SLF1: variants seen among roughly 807,000 people sequenced by gnomAD.
SLF1 encodes SMC5-SMC6 complex localization factor protein 1.
Under a neutral mutation model 123.0 loss-of-function variants are expected in SLF1, and 105 were observed. That is an observed-to-expected ratio of 0.85 (90% CI 0.73 to 1.00). The LOEUF (loss-of-function observed/expected upper bound fraction) is 1.00, where lower values mean the gene tolerates loss of function less well. Ranked by LOEUF, SLF1 falls within the 50% of genes least tolerant of loss-of-function variation. The pLI, the probability that SLF1 is intolerant of heterozygous loss-of-function variation, is 0.00. For missense variants in SLF1, 1,239 were observed against 1,223.0 expected, an observed-to-expected ratio of 1.01 and a Z score of -0.20; for synonymous variants, 434 against 406.6, an observed-to-expected ratio of 1.07 and a Z score of -0.81.
At chr5:94,622,363 G>A (rs2152461439) in intron 1 of SLF1, among the ~76,000 whole-genome samples, 1 of 152,150 alleles carries the variant, frequency 6.6e-6, no homozygotes, top group East Asian at 1.9e-4. Context: ...AAAATCAAAA[G>A]AATTCACCAA....
intron 4 of SLF1, among the ~76,000 whole-genome samples, chr5:94,634,047 A>G (rs554753954): frequency 1.3e-5 from 2 of 152,078 alleles, no homozygotes; most frequent in Non-Finnish European, 2.9e-5. Flanking sequence ...GTATTTTTAA[A>G]TTTTCGTTTC....
chr5:94,692,683 A>G (rs1000088048), intron 20 of SLF1, among the ~76,000 whole-genome samples: 2 of 152,146 alleles, frequency 1.3e-5, no homozygotes, highest in Non-Finnish European at 2.9e-5. Context: ...CTTATTTTTA[A>G]TGAGTCATTT....
chr5:94,649,191 A>G (rs1056748218), intron 5 of SLF1, among the ~76,000 whole-genome samples: 2 of 152,192 alleles, frequency 1.3e-5, no homozygotes, highest in African/African-American at 4.8e-5. Context: ...GGTTATTCAT[A>G]AAAATGACTT....
In SLF1 at chr5:94,697,334, T is replaced by G. The variant is rs895465554; in HGVS notation, c.*2022T>G. On this transcript the variant is annotated 3_prime_UTR_variant, in exon 21 of 21. Coordinates refer to ENST00000265140, the MANE Select transcript of SLF1 (RefSeq NM_032290.4). ...TCCCAAAATTACTTCTTATACTTTATTTTAGAAAACATAATAATAATTGCC... is the reference window on the plus strand; with the variant it reads ...TCCCAAAATTACTTCTTATACTTTAGTTTAGAAAACATAATAATAATTGCC... 1 of 151,876 alleles carries G rather than the reference T, an allele frequency of 6.6e-6. No homozygotes were observed. The highest frequency in any genetic ancestry group is 1.5e-5 in the Non-Finnish European group (1 of 67,880). 9.4% of individuals were successfully genotyped at this position (151,876 alleles called of 1,614,324 possible).
intron 12 of SLF1, among the ~76,000 whole-genome samples, chr5:94,666,794 G>A (rs1260800022): frequency 1.3e-5 from 2 of 151,900 alleles, no homozygotes; most frequent in East Asian, 1.9e-4. Context: ...GTGCCTCCAC[G>A]TCCAGCTAAT....
intron 5 of SLF1, among the ~76,000 whole-genome samples, chr5:94,644,076 A>G (rs1332193626): frequency 2.0e-5 from 3 of 152,162 alleles, no homozygotes; most frequent in East Asian, 1.9e-4. Context: ...ACATCTGTCA[A>G]CTACTAAGTC....
chr5:94,678,008 C>T (rs1385915389), intron 14 of SLF1, among the ~76,000 whole-genome samples: 1 of 152,056 alleles, frequency 6.6e-6, no homozygotes, highest in Non-Finnish European at 1.5e-5. Flanking sequence ...GCAAGCTCCG[C>T]CTCCCGGGTT....
intron 4 of SLF1, among the ~76,000 whole-genome samples, chr5:94,637,643 A>G (rs1251925590): frequency 2.6e-5 from 4 of 152,098 alleles, no homozygotes; most frequent in African/African-American, 9.7e-5. Context: ...GTGGGCTTTG[A>G]AGCTAAGCTG....
chr5:94,686,725 A>C lies in SLF1; in HGVS notation c.2121+7A>C. ...ACTCTCTCTTCAGAAAATGGTAAGT[A>C]CCTCTCTATTCTGGTTCTTTACATT... On this transcript the variant is annotated splice_region_variant and intron_variant, in intron 16 of 20. Transcript: ENST00000265140. 1 of 1,612,210 alleles carries C rather than the reference A, an allele frequency of 6.2e-7. No homozygotes were observed. Among genetic ancestry groups the C allele is most frequent in the Non-Finnish European group, 8.5e-7 (1 of 1,179,210 alleles).
At chr5:94,633,947 T>A (rs1278263474) in intron 4 of SLF1, among the ~76,000 whole-genome samples, 1 of 152,202 alleles carries the variant, frequency 6.6e-6, no homozygotes, top group Non-Finnish European at 1.5e-5. Flanking sequence ...TTTAGACCTT[T>A]CTGTTTTTCT....
intron 7 of SLF1, 52 bp from the exon 8 acceptor site, chr5:94,653,220 T>C: frequency 7.0e-7 from 1 of 1,421,656 alleles, no homozygotes; most frequent in South Asian, 1.4e-5. Flanking sequence ...ATTTGGATTT[T>C]GTAACATATG....
intron 9 of SLF1, among the ~76,000 whole-genome samples, chr5:94,658,148 G>A (rs1410215633): frequency 1.4e-5 from 2 of 143,866 alleles, no homozygotes; most frequent in Admixed American, 7.1e-5. Flanking sequence ...TGTCATTGCA[G>A]TTGGGTGTTT....
intron 14 of SLF1, among the ~76,000 whole-genome samples, chr5:94,671,918 T>G (rs1750508434): frequency 6.6e-6 from 1 of 152,044 alleles, no homozygotes; most frequent in Non-Finnish European, 1.5e-5. Context: ...TGGCTGTGCT[T>G]TTTTTGGTTA....
intron 4 of SLF1, among the ~76,000 whole-genome samples, chr5:94,639,830 A>G (rs932920051): frequency 2.6e-5 from 4 of 152,150 alleles, no homozygotes; most frequent in Non-Finnish European, 5.9e-5. Flanking sequence ...TTGCTGTCTC[A>G]AGGGTAGCAG....
chr5:94,633,748 A>G (rs1158023973), intron 4 of SLF1, among the ~76,000 whole-genome samples: 2 of 152,210 alleles, frequency 1.3e-5, no homozygotes, highest in Non-Finnish European at 2.9e-5. Context: ...TTGCATTCTC[A>G]TATACTAGCA....
chr5:94,670,379 C>T, intron 13 of SLF1, 100 bp downstream of exon 13: 1 of 952,702 alleles, frequency 1.0e-6, no homozygotes, highest in Non-Finnish European at 1.5e-6. Context: ...TAAAAAGTCA[C>T]CTTATTTTCT....
chr5:94,666,100 TGAAA>T (rs1380281328), intron 12 of SLF1, 76 bp downstream of exon 12: 15 of 1,307,174 alleles, frequency 1.1e-5, no homozygotes, highest in African/African-American at 1.1e-4. Flanking sequence ...AAGATACTGA[TGAAA>T]GAAGTATCTT....
chr5:94,634,338 A>G (rs778644972), intron 4 of SLF1, among the ~76,000 whole-genome samples: 12 of 152,114 alleles, frequency 7.9e-5, no homozygotes, highest in Non-Finnish European at 1.6e-4. Flanking sequence ...GCCTTTGGTA[A>G]CCACCATTCT....
At chr5:94,636,710 A>ATTTTTTTTTTTTTTTT (rs140191160) in intron 4 of SLF1, among the ~76,000 whole-genome samples, 1 of 75,466 alleles carries the variant, frequency 1.3e-5, no homozygotes. Context: ...TATTTTACTG[A>ATTTTTTTTTTTTTTTT]TTTTTTTTTT....
Sources: allele counts gnomAD v4.1 joint callset (sites outside exome capture counted in the v4.1 genomes callset), GRCh38; gene constraint gnomAD v4.1.1; transcripts MANE v1.5; gene names NCBI Gene and HGNC (gene_info 2026-07-23, HGNC 2026-07-21).